ACOT13: variants seen among roughly 807,000 people sequenced by gnomAD.
ACOT13 encodes the protein acyl-CoA thioesterase 13.
ACOT13 carries 10 observed loss-of-function variants against 11.8 expected under a neutral mutation model. The ratio of observed to expected loss-of-function variants is 0.85; its 90% CI spans 0.53 to 1.44. ACOT13 has a LOEUF of 1.44. ACOT13 is among the 40% of genes most tolerant of loss of function. ACOT13 has a pLI of 0.00. For synonymous variants in ACOT13, 53 were observed against 61.0 expected (o/e 0.87, Z 0.61); for missense variants, 172 against 174.1 (o/e 0.99, Z 0.07).
At chr6:24,672,151 A>G (rs1778375704) in intron 1 of ACOT13, among the ~76,000 whole-genome samples, 2 of 152,244 alleles carry the variant, frequency 1.3e-5, no homozygotes, top group African/African-American at 4.8e-5. Context: ...ATAGGATCAC[A>G]GGTCATTATA....
At chr6:24,699,032 A>T (rs74563609) in intron 2 of ACOT13, among the ~76,000 whole-genome samples, 1 of 152,192 alleles carries the variant, frequency 6.6e-6, no homozygotes, top group Admixed American at 6.5e-5. Context: ...AAGAAACTCA[A>T]TTCCAACATA....
At chr6:24,680,378 C>T (rs1778528259) in intron 1 of ACOT13, among the ~76,000 whole-genome samples, 1 of 152,130 alleles carries the variant, frequency 6.6e-6, no homozygotes, top group Admixed American at 6.5e-5. Context: ...CTCCAGAATA[C>T]ATCTTAAGGG....
chr6:24,697,541 G>A (rs1778814284), intron 1 of ACOT13, among the ~76,000 whole-genome samples: 1 of 152,118 alleles, frequency 6.6e-6, no homozygotes, highest in Non-Finnish European at 1.5e-5. Flanking sequence ...AACCTATAAT[G>A]AGTTAACAGA....
intron 1 of ACOT13, among the ~76,000 whole-genome samples, chr6:24,689,525 A>G (rs1778689733): frequency 6.6e-6 from 1 of 152,208 alleles, no homozygotes; most frequent in Admixed American, 6.5e-5. Context: ...GAAAAATGAA[A>G]GCTGCCAAGT....
chr6:24,698,272 T>C (rs12193165), intron 2 of ACOT13, among the ~76,000 whole-genome samples: 25,988 of 152,236 alleles, frequency 0.17, 2,708 homozygotes, highest in Non-Finnish European at 0.24. Context: ...TGTGTATCAA[T>C]AGTAAAAAGG....
chr6:24,691,368 A>G (rs1185459582), intron 1 of ACOT13, among the ~76,000 whole-genome samples: 3 of 152,216 alleles, frequency 2.0e-5, no homozygotes, highest in African/African-American at 7.2e-5. Context: ...AGTGAACACA[A>G]CTGACAAAAA....
Position 24,701,824 on chromosome 6 carries a change from G to A in ACOT13, c.*209G>A, listed in dbSNP as rs973036481. 2 of 456,624 alleles carry A rather than the reference G, an allele frequency of 4.4e-6. No homozygotes were observed. The highest frequency in any genetic ancestry group is 7.6e-6 in the Non-Finnish European group (2 of 264,716). The allele number at this position is 456,624 out of a possible 1,614,324, so 28.3% of individuals were successfully genotyped here. On this transcript the variant is annotated 3_prime_UTR_variant, in exon 3 of 3. Transcript: ENST00000230048. ...TGTTTTCTAATCATGTGTGATAATT[G>A]GGTGAAAAATTCTTAGCTCAAAGTG...
At chr6:24,683,033 G>T (rs1486264405) in intron 1 of ACOT13, among the ~76,000 whole-genome samples, 1 of 152,146 alleles carries the variant, frequency 6.6e-6, no homozygotes, top group Non-Finnish European at 1.5e-5. Flanking sequence ...AGGTGGATGC[G>T]GTCACCTTCC....
At chr6:24,681,146 T>C (rs1485463413) in intron 1 of ACOT13, among the ~76,000 whole-genome samples, 2 of 151,158 alleles carry the variant, frequency 1.3e-5, no homozygotes, top group East Asian at 3.9e-4. Context: ...AATAGCCCCA[T>C]ACTTTAAGAT....
chr6:24,678,910 C>G (rs562224629), intron 1 of ACOT13, among the ~76,000 whole-genome samples: 1 of 152,288 alleles, frequency 6.6e-6, no homozygotes, highest in Non-Finnish European at 1.5e-5. Context: ...TTCAAGCATA[C>G]CCGGGGCCCT....
chr6:24,693,696 G>C (rs765879053), intron 1 of ACOT13, among the ~76,000 whole-genome samples: 1 of 151,996 alleles, frequency 6.6e-6, no homozygotes, highest in African/African-American at 2.4e-5. Flanking sequence ...AGATGGGAGA[G>C]GGAGGGTGAG....
chr6:24,694,054 C>T (rs952481344), intron 1 of ACOT13, among the ~76,000 whole-genome samples: 2 of 152,078 alleles, frequency 1.3e-5, no homozygotes, highest in African/African-American at 4.8e-5. Context: ...GAAGAGACAG[C>T]ACGATATAAG....
intron 1 of ACOT13, among the ~76,000 whole-genome samples, chr6:24,682,345 C>G (rs1447444660): frequency 6.6e-6 from 1 of 152,198 alleles, no homozygotes; most frequent in African/African-American, 2.4e-5. Flanking sequence ...TGGGCCACTT[C>G]CACAATGGTG....
intron 2 of ACOT13, among the ~76,000 whole-genome samples, chr6:24,700,074 GCA>G (rs1778867371): frequency 6.6e-6 from 1 of 152,150 alleles, no homozygotes; most frequent in Non-Finnish European, 1.5e-5. Context: ...CTCCACCCCT[GCA>G]CATCAAGTCC....
chr6:24,688,754 C>T (rs556817437), intron 1 of ACOT13, among the ~76,000 whole-genome samples: 28 of 152,208 alleles, frequency 1.8e-4, no homozygotes, highest in African/African-American at 6.3e-4. Flanking sequence ...AAAACATCTA[C>T]ATAGCACTAT....
rs1316064976 is a variant in ACOT13 at position 24,703,451 on chromosome 6, T to C, written c.*1836T>C. ...TTGGAGAAACAGCTGACTCCAGGGC[T>C]TGAGGCTGGGACAGAAAGGTTACAG... is the stretch of plus-strand genomic sequence containing the variant. On this transcript the variant is annotated 3_prime_UTR_variant, in exon 3 of 3. Transcript: ENST00000230048. 1 of 152,286 alleles carries C rather than the reference T, an allele frequency of 6.6e-6. No individual in the cohort carries two copies. Among genetic ancestry groups the C allele is most frequent in the Non-Finnish European group, 1.5e-5 (1 of 68,032 alleles). The allele number at this position is 152,286 out of a possible 1,614,324, so 9.4% of individuals were successfully genotyped here. A position where few individuals can be genotyped will look rare whatever the true frequency, so the allele number is the denominator to read the frequency against.
In ACOT13 at chr6:24,685,332, C is replaced by CTTTTTTTTTTTTTTTTTTT. The variant is rs563020332; in HGVS notation, c.82-12537_82-12519dup. Among the ~76,000 whole-genome samples the CTTTTTTTTTTTTTTTTTTT allele has an allele frequency of 1.0e-4, 12 of 116,784 alleles. 3 individuals are homozygous for CTTTTTTTTTTTTTTTTTTT. Among genetic ancestry groups the CTTTTTTTTTTTTTTTTTTT allele is most frequent in the Non-Finnish European group, 2.0e-4 (11 of 55,534 alleles). The allele number at this position is 116,784 out of a possible 152,430, so 76.6% of individuals were successfully genotyped here. Reference sequence around the variant, plus strand: ...ACATGGTCTCTTTCCTTTTACTGTACTTTTTTTTTTTTTTTTTTTTTTTTT... The same window carrying CTTTTTTTTTTTTTTTTTTT: ...ACATGGTCTCTTTCCTTTTACTGTACTTTTTTTTTTTTTTTTTTTTTTTTTTTTTTTTTTTTTTTTTTTT... On this transcript the variant is annotated intron_variant, in intron 1 of 2. Transcript: ENST00000230048.
intron 1 of ACOT13, among the ~76,000 whole-genome samples, chr6:24,697,230 A>C (rs1470853195): frequency 6.6e-6 from 1 of 152,228 alleles, no homozygotes; most frequent in African/African-American, 2.4e-5. Flanking sequence ...ACATGGGTTT[A>C]TAGTATAAAA....
intron 1 of ACOT13, among the ~76,000 whole-genome samples, chr6:24,677,731 C>T (rs1778479204): frequency 6.6e-6 from 1 of 152,162 alleles, no homozygotes. Context: ...TTCTGAGTTT[C>T]CTTAGTGTGT....
Sources: gnomAD v4.1 joint callset for allele counts (sites outside exome capture counted in the v4.1 genomes callset) on GRCh38, gnomAD v4.1.1 for gene constraint, MANE v1.5 for transcripts, NCBI Gene and HGNC (gene_info 2026-07-23, HGNC 2026-07-21) for gene names.